Variants in VCL observed in about 807,000 individuals in gnomAD.
VCL encodes epididymis luminal protein 114.
VCL carries 47 observed loss-of-function variants against 125.7 expected under a neutral mutation model. That is an observed-to-expected ratio of 0.37 (90% CI 0.30 to 0.48). The LOEUF (loss-of-function observed/expected upper bound fraction) is 0.48, where lower values mean the gene tolerates loss of function less well. Among genes scored for constraint, VCL ranks in the 20% least tolerant of loss-of-function variants. The pLI is 0.99. For synonymous variants in VCL, 458 were observed against 514.6 expected, an observed-to-expected ratio of 0.89 and a Z score of 1.49; for missense variants, 1,069 against 1,455.5, an observed-to-expected ratio of 0.73 and a Z score of 4.32.
chr10:74,026,033 G>T (rs1430775034), intron 1 of VCL, among the ~76,000 whole-genome samples: 1 of 152,210 alleles, frequency 6.6e-6, no homozygotes, highest in African/African-American at 2.4e-5. Context: ...GTTGGACCAG[G>T]TGTGTCATTT....
At chr10:74,039,310 G>A (rs1401280899) in intron 1 of VCL, among the ~76,000 whole-genome samples, 2 of 117,360 alleles carry the variant, frequency 1.7e-5, no homozygotes, top group African/African-American at 6.5e-5. Context: ...TCCGTAAAAA[G>A]GTAACACAAT....
chr10:74,097,526 C>G lies in VCL; in HGVS notation c.1872+194C>G, dbSNP rs1839990431. Among the ~76,000 whole-genome samples the G allele has an allele frequency of 6.6e-6, 1 of 152,168 alleles. No individual in the cohort carries two copies. The highest frequency in any genetic ancestry group is 2.4e-5 in the African/African-American group (1 of 41,446). ...TATCAGTGAGGAATATCTTTAGTTG[C>G]AAGCAATAGAAGACCTGACCATCAG... is the stretch of plus-strand genomic sequence containing the variant. On this transcript the variant is annotated intron_variant, in intron 13 of 21. Transcript: ENST00000211998. This position sits in a 1 kb window ranked among gnomAD's most constrained non-coding sequence, Gnocchi z 4.1.
chr10:74,028,439 C>T (rs534792862), intron 1 of VCL, among the ~76,000 whole-genome samples: 19 of 150,478 alleles, frequency 1.3e-4, no homozygotes, highest in Admixed American at 4.7e-4. Flanking sequence ...TCTTGTCACC[C>T]AGGTTGGAGT....
At chr10:74,098,535 T>A (rs1840005232) in intron 13 of VCL, among the ~76,000 whole-genome samples, 1 of 152,214 alleles carries the variant, frequency 6.6e-6, no homozygotes, top group Admixed American at 6.5e-5. Context: ...GAGGCTTTCT[T>A]AGAAATTGTC....
intron 1 of VCL, among the ~76,000 whole-genome samples, chr10:74,021,843 T>C (rs75842038): frequency 1.3e-5 from 2 of 152,344 alleles, no homozygotes; most frequent in South Asian, 2.1e-4. Context: ...TCTTTTTTTT[T>C]CCAACAAATG....
chr10:74,083,437 A>G lies in VCL; in HGVS notation c.946A>G (p.Lys316Glu). ...AAAAGTTGGTGAACTCTGTGCAGGC[A>G]AAGAACGCAGGGAGATTCTGGGAAC... Reference protein sequence around the residue: ...AGKVGELCAGKERREILGTCK... With the variant: ...AGKVGELCAGEERREILGTCK... The change falls in exon 8 of 22, where the codon AAA becomes GAA. Residue 316 changes from lysine (K) to glutamate (E), a missense_variant. Coordinates refer to ENST00000211998, the MANE Select transcript of VCL (RefSeq NM_014000.3). 6.2e-7 allele frequency: 1 copy of G among 1,614,180 alleles called. No individual in the cohort carries two copies. Among genetic ancestry groups the G allele is most frequent in the Non-Finnish European group, 8.5e-7 (1 of 1,180,010 alleles).
intron 10 of VCL, among the ~76,000 whole-genome samples, chr10:74,093,625 C>G (rs1411317512): frequency 6.6e-6 from 1 of 150,426 alleles, no homozygotes; most frequent in Non-Finnish European, 1.5e-5. Flanking sequence ...TGTTTCCTAT[C>G]TCCACGAAAT....
At chr10:74,065,370 C>T (rs1403433752) in intron 2 of VCL, among the ~76,000 whole-genome samples, 2 of 152,044 alleles carry the variant, frequency 1.3e-5, no homozygotes, top group Non-Finnish European at 2.9e-5. Context: ...CTCCTGACCT[C>T]TAGTGATCCA....
In VCL at chr10:74,013,330, G is replaced by A. The variant is rs139153186; in HGVS notation, c.168+14955G>A. On this transcript the variant is annotated intron_variant, in intron 1 of 21. Coordinates refer to ENST00000211998, the MANE Select transcript of VCL (RefSeq NM_014000.3). ...TGTTCTCTGAGTGAAAAAAATTTAG[G>A]CACAGAGTCCTGGGGTGCAGATGGG... Among the ~76,000 whole-genome samples the A allele has an allele frequency of 7.2e-4, 109 of 152,068 alleles. 6 individuals are homozygous for A. Among genetic ancestry groups the A allele is most frequent in the Middle Eastern group, 6.8e-3 (2 of 294 alleles).
intron 13 of VCL, among the ~76,000 whole-genome samples, chr10:74,098,038 G>A (rs1251969327): frequency 2.6e-5 from 4 of 152,110 alleles, no homozygotes; most frequent in Non-Finnish European, 5.9e-5. Flanking sequence ...GGCACGAGTC[G>A]GTACAGGTGG....
At position 74,118,631 on chromosome 10, in the gene VCL, T is replaced by G. The variant is rs1218400796; in HGVS notation, c.*462T>G. On this transcript the variant is annotated 3_prime_UTR_variant, in exon 22 of 22. Transcript: ENST00000211998. ...ATTGCTGTGCCTCCCAAAATTGTTTTGAGCTTTCCATGTTGCTGCCAACCA... is the reference window on the plus strand; with the variant it reads ...ATTGCTGTGCCTCCCAAAATTGTTTGGAGCTTTCCATGTTGCTGCCAACCA... The G allele has an allele frequency of 4.0e-6, 1 of 247,326 alleles. No homozygotes were observed. The highest frequency in any genetic ancestry group is 8.0e-6 in the Non-Finnish European group (1 of 124,522). 15.3% of individuals were successfully genotyped at this position (247,326 alleles called of 1,614,324 possible). A position where few individuals can be genotyped will look rare whatever the true frequency, so the allele number is the denominator to read the frequency against.
At chr10:74,069,259 C>T (rs1841624037) in intron 2 of VCL, among the ~76,000 whole-genome samples, 1 of 152,068 alleles carries the variant, frequency 6.6e-6, no homozygotes, top group African/African-American at 2.4e-5. Context: ...AGGCTGGTCT[C>T]GAACTCCCAA....
At chr10:74,009,218 C>A (rs950709128) in intron 1 of VCL, among the ~76,000 whole-genome samples, 2 of 68,846 alleles carry the variant, frequency 2.9e-5, no homozygotes, top group African/African-American at 9.6e-5. Flanking sequence ...TGCTGCTTTC[C>A]CCCCCCCCCC....
At chr10:74,065,699 A>T (rs949860695) in intron 2 of VCL, among the ~76,000 whole-genome samples, 1 of 150,470 alleles carries the variant, frequency 6.6e-6, no homozygotes, top group African/African-American at 2.5e-5. Context: ...AAAAAAAGAA[A>T]AAAAAAGCAA....
rs886038800 is a variant in VCL, at chr10:74,094,300, C to G, written c.1382C>G (p.Ala461Gly). The G allele has an allele frequency of 2.9e-5, 46 of 1,614,026 alleles. No individual in the cohort carries two copies. Among genetic ancestry groups the G allele is most frequent in the Non-Finnish European group, 3.6e-5 (42 of 1,180,032 alleles). Residue 461 changes from alanine (A) to glycine (G), a missense_variant, in exon 11 of 22, where the codon GCC (alanine) becomes GGC (glycine). Around this residue, in one of 6 missense-constraint regions of VCL, gnomAD observed 760 missense variants for 928.9 expected, o/e 0.82. Coordinates refer to ENST00000211998, the MANE Select transcript of VCL (RefSeq NM_014000.3). ...QGKGDSPEAR[A>G]LAKQVATALQ... ...AAAGGAGATTCTCCAGAGGCTCGAGCCTTGGCCAAACAGGTGGCCACGGCC... is the reference window on the plus strand; with the variant it reads ...AAAGGAGATTCTCCAGAGGCTCGAGGCTTGGCCAAACAGGTGGCCACGGCC...
chr10:74,117,118 G>T (rs575177394), intron 21 of VCL, among the ~76,000 whole-genome samples: 1 of 152,232 alleles, frequency 6.6e-6, no homozygotes, highest in South Asian at 2.1e-4. Flanking sequence ...GTTTAAAGTG[G>T]TTGGTTGCTT....
chr10:74,043,768 C>T (rs1291270711), intron 2 of VCL, among the ~76,000 whole-genome samples: 2 of 152,134 alleles, frequency 1.3e-5, no homozygotes, highest in African/African-American at 4.8e-5. Context: ...ATACTAGGCA[C>T]CTTTGCTTGG....
rs142757978 is a variant in VCL at position 74,073,876 on chromosome 10, A to G, written c.623-867A>G. Among the ~76,000 whole-genome samples, 57 of 152,296 alleles carry G rather than the reference A, an allele frequency of 3.7e-4. No homozygotes were observed. In the East Asian group the frequency reaches 8.9e-3, roughly 24 times the overall value. ...AAATCTGGTGACTCATGTCATTGTG[A>G]CTTCCAGCTACCTGCTTTGGTGTTT... On this transcript the variant is annotated intron_variant, in intron 5 of 21. Transcript: ENST00000211998.
chr10:74,011,165 CAAAAAAA>C (rs71021585), intron 1 of VCL, among the ~76,000 whole-genome samples: 13 of 52,328 alleles, frequency 2.5e-4, no homozygotes, highest in South Asian at 2.0e-3. Flanking sequence ...AACTCTATCT[CAAAAAAA>C]AAAAAAAAAA....
Sources: allele counts gnomAD v4.1 joint callset (sites outside exome capture counted in the v4.1 genomes callset), GRCh38; gene constraint gnomAD v4.1.1; regional missense constraint gnomAD v4.1.1; non-coding constraint Gnocchi (gnomAD v3.1); transcripts MANE v1.5; gene names NCBI Gene and HGNC (gene_info 2026-07-23, HGNC 2026-07-21).